The following ZNF398 variants were observed in gnomAD, a reference collection of about 807,000 sequenced individuals.
ZNF398 encodes zinc finger protein 398, also known as zinc finger DNA binding protein ZER6.
Under a neutral mutation model 41.9 loss-of-function variants are expected in ZNF398, and 18 were observed. The observed-to-expected ratio is 0.43, with a 90% CI of 0.30 to 0.64. The LOEUF is 0.64. ZNF398 is among the 30% of genes least tolerant of loss of function. The pLI, the probability that ZNF398 is intolerant of heterozygous loss-of-function variation, is 0.14. For synonymous variants in ZNF398, 260 were observed against 308.8 expected (o/e 0.84, Z 1.66); for missense variants, 669 against 822.8 (o/e 0.81, Z 2.29).
At chr7:149,172,920 T>TA (rs1202544746) in intron 4 of ZNF398, among the ~76,000 whole-genome samples, 1 of 152,058 alleles carries the variant, frequency 6.6e-6, no homozygotes, top group Non-Finnish European at 1.5e-5. Flanking sequence ...AAATTATGTC[T>TA]AAAAAAACAA....
intron 4 of ZNF398, among the ~76,000 whole-genome samples, chr7:149,167,903 C>T (rs1795258059): frequency 6.6e-6 from 1 of 151,524 alleles, no homozygotes; most frequent in Admixed American, 6.6e-5. Context: ...GAGCCACCGC[C>T]ACATTTATTT....
intron 2 of ZNF398, among the ~76,000 whole-genome samples, chr7:149,136,316 C>A (rs775185935): frequency 6.6e-6 from 1 of 151,910 alleles, no homozygotes; most frequent in Non-Finnish European, 1.5e-5. Context: ...GACTGTGGGG[C>A]GGCCGAGCAG....
chr7:149,152,495 C>T (rs549869733), intron 1 of ZNF398, among the ~76,000 whole-genome samples: 7 of 151,444 alleles, frequency 4.6e-5, no homozygotes, highest in African/African-American at 1.2e-4. Flanking sequence ...CTCCTGACCT[C>T]GTGATCCACC....
rs973281525 is a variant in ZNF398, at chr7:149,182,294, G to A, written c.*2493G>A. 4 of 152,228 alleles carry A rather than the reference G, an allele frequency of 2.6e-5. No homozygotes were observed. Among genetic ancestry groups the A allele is most frequent in the African/African-American group, 9.6e-5 (4 of 41,454 alleles). 9.4% of individuals were successfully genotyped at this position (152,228 alleles called of 1,614,324 possible). A position where few individuals can be genotyped will look rare whatever the true frequency, so the allele number is the denominator to read the frequency against. ...GGCCATCCCAGAGAGACGGAAGCAG[G>A]TGCGATACTAAGCCTCAGCCCAAGA... On this transcript the variant is annotated 3_prime_UTR_variant, in exon 6 of 6. Transcript: ENST00000475153.
At position 149,176,519 on chromosome 7, in the gene ZNF398, A is replaced by G; in HGVS notation, c.713A>G (p.Glu238Gly). The stretch of plus-strand genomic sequence containing the variant: ...CTGTCTTGGATTAAACAAGAAGAAG[A>G]GCCTCAGGTTGGGGCCCCACCGGAG... The part of the protein sequence containing the change: ...DILSWIKQEE[E>G]PQVGAPPESK... Residue 238 changes from glutamate to glycine, a missense_variant, in exon 5 of 6, where the codon GAG becomes GGG. By Grantham distance (98) the Glu-to-Gly change is moderately conservative. Coordinates refer to ENST00000475153, the MANE Select transcript of ZNF398 (RefSeq NM_170686.3). The G allele has an allele frequency of 1.2e-6, 2 of 1,613,762 alleles. No individual in the cohort carries two copies. Among genetic ancestry groups the G allele is most frequent in the Non-Finnish European group, 1.7e-6 (2 of 1,179,936 alleles).
intron 1 of ZNF398, among the ~76,000 whole-genome samples, chr7:149,153,309 T>G (rs1293329324): frequency 1.3e-5 from 2 of 152,072 alleles, no homozygotes; most frequent in East Asian, 3.9e-4. Context: ...ACCCCGTCTC[T>G]AAAAAGAAAA....
chr7:149,173,173 C>T (rs927018203), intron 4 of ZNF398, among the ~76,000 whole-genome samples: 1 of 142,814 alleles, frequency 7.0e-6, no homozygotes, highest in African/African-American at 2.7e-5. Flanking sequence ...GGCACGATCT[C>T]GGCTCACTGC....
intron 2 of ZNF398, 51 bp downstream of exon 2, chr7:149,154,391 G>C (rs746993086): frequency 6.6e-6 from 10 of 1,515,030 alleles, no homozygotes; most frequent in Non-Finnish European, 8.8e-6. Context: ...ACTTACATTA[G>C]TAGTAGTCTT....
At chr7:149,133,678 T>TATACACACAC (rs1483673161) in intron 2 of ZNF398, among the ~76,000 whole-genome samples, 6 of 67,024 alleles carry the variant, frequency 9.0e-5, no homozygotes, top group African/African-American at 3.7e-4. Flanking sequence ...TATATATATA[T>TATACACACAC]ACATATATAT....
At chr7:149,171,021 T>G (rs1325462952) in intron 4 of ZNF398, among the ~76,000 whole-genome samples, 1 of 150,814 alleles carries the variant, frequency 6.6e-6, no homozygotes, top group Non-Finnish European at 1.5e-5. Flanking sequence ...TTTTTTTTTT[T>G]TTTTTTTTAG....
At chr7:149,165,435 G>C (rs915615357) in intron 2 of ZNF398, among the ~76,000 whole-genome samples, 3 of 152,200 alleles carry the variant, frequency 2.0e-5, no homozygotes, top group African/African-American at 2.4e-5. Flanking sequence ...AGGAAATCTT[G>C]CCGTGAAAAC....
chr7:149,136,652 C>T (rs767561305), intron 2 of ZNF398, among the ~76,000 whole-genome samples: 3 of 152,066 alleles, frequency 2.0e-5, no homozygotes, highest in Non-Finnish European at 4.4e-5. Context: ...ACTGCAACCT[C>T]TGCCTCCTGG....
chr7:149,138,505 A>C (rs1044191070), intron 2 of ZNF398, among the ~76,000 whole-genome samples: 4 of 152,042 alleles, frequency 2.6e-5, no homozygotes, highest in Admixed American at 2.6e-4. Flanking sequence ...GCTACAATCC[A>C]GGAGGCAGAG....
intron 4 of ZNF398, among the ~76,000 whole-genome samples, chr7:149,171,412 A>G (rs1795340761): frequency 6.6e-6 from 1 of 151,958 alleles, no homozygotes; most frequent in Admixed American, 6.6e-5. Flanking sequence ...CCTGTCGCCC[A>G]GGCTGGATTG....
intron 2 of ZNF398, among the ~76,000 whole-genome samples, chr7:149,129,104 A>G (rs1264923680): frequency 6.6e-6 from 1 of 151,950 alleles, no homozygotes; most frequent in East Asian, 1.9e-4. Context: ...CTGGCCCTAT[A>G]TTTTCATATA....
At chr7:149,143,737 G>A (rs905872383), upstream of ZNF398, among the ~76,000 whole-genome samples, 11 of 152,086 alleles carry the variant, frequency 7.2e-5, no homozygotes, top group South Asian at 6.2e-4. Flanking sequence ...ACTTGAACCC[G>A]GGAGGCAGAG....
intron 2 of ZNF398, among the ~76,000 whole-genome samples, chr7:149,129,354 T>C (rs182696598): frequency 6.6e-6 from 1 of 152,228 alleles, no homozygotes; most frequent in East Asian, 1.9e-4. Flanking sequence ...TATCATTGTG[T>C]GTGAAAACAG....
chr7:149,179,813 T>C lies in ZNF398; in HGVS notation c.*12T>C, dbSNP rs1795553376. The C allele has an allele frequency of 6.4e-7, 1 of 1,551,524 alleles. No individual in the cohort carries two copies. Among genetic ancestry groups the C allele is most frequent in the Non-Finnish European group, 8.7e-7 (1 of 1,146,396 alleles). On this transcript the variant is annotated 3_prime_UTR_variant, in exon 6 of 6. Transcript: ENST00000475153. This position sits in a 1 kb window ranked among gnomAD's most constrained non-coding sequence, Gnocchi z 6.1. ...GGGGAGTTTTGTAAATCCAAATCTC[T>C]GTGGCTTCATGCTTGTATATGCTCA...
At chr7:149,177,774 T>C (rs1370111356) in intron 5 of ZNF398, among the ~76,000 whole-genome samples, 1 of 152,218 alleles carries the variant, frequency 6.6e-6, no homozygotes. Context: ...AGGTAAAATA[T>C]AGTGAAAGTA....
Sources: gnomAD v4.1 joint callset for allele counts (sites outside exome capture counted in the v4.1 genomes callset) on GRCh38, gnomAD v4.1.1 for gene constraint, Gnocchi (gnomAD v3.1) non-coding constraint, MANE v1.5 for transcripts, NCBI Gene and HGNC (gene_info 2026-07-23, HGNC 2026-07-21) for gene names.